FOXJ3: variants seen among roughly 807,000 people sequenced by gnomAD.
The protein encoded by FOXJ3 is forkhead box protein J3.
A neutral mutation model predicts 76.1 loss-of-function variants in FOXJ3; 22 were observed. That is an observed-to-expected ratio of 0.29 (90% confidence interval 0.21 to 0.41). The LOEUF (loss-of-function observed/expected upper bound fraction) is 0.41. FOXJ3 is among the 10% of genes least tolerant of loss of function. The pLI, the probability that FOXJ3 is intolerant of heterozygous loss-of-function variation, is 1.00. For missense variants in FOXJ3, 613 were observed against 762.1 expected (o/e 0.80, Z 2.30); for synonymous variants, 269 against 261.2 (o/e 1.03, Z -0.29).
chr1:42,236,004 A>AC (rs1648596148), intron 4 of FOXJ3, among the ~76,000 whole-genome samples: 1 of 152,134 alleles, frequency 6.6e-6, no homozygotes, highest in Admixed American at 6.5e-5. Context: ...AGAAGCAGTT[A>AC]CCTTTGCTCT....
At chr1:42,292,006 A>C (rs1251796469) in intron 2 of FOXJ3, among the ~76,000 whole-genome samples, 1 of 152,088 alleles carries the variant, frequency 6.6e-6, no homozygotes, top group Non-Finnish European at 1.5e-5. Context: ...GAGGAAAGGC[A>C]GGAGTGGGAG....
At chr1:42,291,053 G>C (rs1301080590) in intron 2 of FOXJ3, among the ~76,000 whole-genome samples, 4 of 137,602 alleles carry the variant, frequency 2.9e-5, no homozygotes, top group African/African-American at 1.1e-4. Flanking sequence ...TAGATAGATA[G>C]ATAGATAGAT....
chr1:42,277,906 G>C (rs980859168), intron 3 of FOXJ3, among the ~76,000 whole-genome samples: 12 of 149,938 alleles, frequency 8.0e-5, no homozygotes, highest in African/African-American at 2.7e-4. Context: ...GAACCCAGAA[G>C]GCGAAGCTTG....
intron 1 of FOXJ3, among the ~76,000 whole-genome samples, chr1:42,326,026 G>A (rs1002400752): frequency 1.3e-5 from 2 of 152,082 alleles, no homozygotes; most frequent in East Asian, 1.9e-4. Context: ...TTTGGGAGGC[G>A]GATCACATGA....
intron 2 of FOXJ3, chr1:42,280,274 C>G: frequency 1.0e-6 from 1 of 981,530 alleles, no homozygotes; most frequent in Non-Finnish European, 1.2e-6. Context: ...AAGACAACCA[C>G]GAGGATTCTA....
chr1:42,191,219 G>A (rs1197665471), intron 9 of FOXJ3, 84 bp downstream of exon 9: 2 of 1,314,284 alleles, frequency 1.5e-6, no homozygotes, highest in Non-Finnish European at 2.1e-6. Flanking sequence ...GGTTTTGGTA[G>A]TAAATACTAC....
chr1:42,189,401 A>G lies in FOXJ3; in HGVS notation c.1355T>C (p.Val452Ala), dbSNP rs751598685. 1.9e-6 allele frequency: 3 copies of G among 1,605,118 alleles called. No individual in the cohort carries two copies. The highest frequency in any genetic ancestry group is 2.6e-6 in the Non-Finnish European group (3 of 1,172,202). The change falls in exon 10 of 13, where the codon GTT becomes GCT. Residue 452 changes from valine (V) to alanine (A), a missense_variant. Around this residue, in one of 3 missense-constraint regions of FOXJ3, gnomAD observed 526 missense variants for 601.4 expected, o/e 0.87. Coordinates refer to ENST00000361346, the MANE Select transcript of FOXJ3 (RefSeq NM_014947.5). ...AAGTGTCGCATACCAATCATTTGAA[A>G]CACCTATAAAATATTGACAACAGTG... ...PPQQVSCNSG[V>A]SNDWYATLDM...
intron 4 of FOXJ3, among the ~76,000 whole-genome samples, chr1:42,249,594 A>G (rs965065231): frequency 9.9e-5 from 15 of 152,246 alleles, no homozygotes; most frequent in African/African-American, 3.1e-4. Flanking sequence ...TACAATTTGA[A>G]AAGTTTCTTT....
Position 42,237,453 on chromosome 1 carries a change from C to T in FOXJ3, c.445-9487G>A, listed in dbSNP as rs149222128. Among the ~76,000 whole-genome samples, 1,092 of 145,362 alleles carry T rather than the reference C, an allele frequency of 7.5e-3. 6 individuals carry two copies. Among genetic ancestry groups the T allele is most frequent in the Non-Finnish European group, 0.012 (771 of 66,696 alleles). ...ACATACATACATATATATATATACA[C>T]ATACATACATATACATATATATGTA... On this transcript the variant is annotated intron_variant, in intron 4 of 12. Coordinates refer to ENST00000361346, the MANE Select transcript of FOXJ3 (RefSeq NM_014947.5).
intron 9 of FOXJ3, among the ~76,000 whole-genome samples, chr1:42,190,185 C>T (rs1365074818): frequency 6.6e-6 from 1 of 152,202 alleles, no homozygotes; most frequent in African/African-American, 2.4e-5. Flanking sequence ...TTCAATGAGA[C>T]AGCAGTGCTG....
intron 6 of FOXJ3, among the ~76,000 whole-genome samples, 190 bp downstream of exon 6, chr1:42,205,572 G>A (rs944512529): frequency 1.3e-5 from 2 of 152,168 alleles, no homozygotes; most frequent in Non-Finnish European, 2.9e-5. Flanking sequence ...AATCTCTCCT[G>A]AGAGATATTT....
At chr1:42,204,702 C>G (rs904330108) in intron 6 of FOXJ3, among the ~76,000 whole-genome samples, 2 of 151,038 alleles carry the variant, frequency 1.3e-5, no homozygotes, top group African/African-American at 4.9e-5. Context: ...ACTACCACCA[C>G]CCCCCACCCC....
intron 3 of FOXJ3, among the ~76,000 whole-genome samples, chr1:42,268,168 T>G (rs1368579043): frequency 6.6e-6 from 1 of 151,308 alleles, no homozygotes; most frequent in African/African-American, 2.4e-5. Context: ...TTAATTACAG[T>G]GAAAGGGCTA....
At chr1:42,317,305 G>A (rs1218702912) in intron 1 of FOXJ3, among the ~76,000 whole-genome samples, 1 of 152,026 alleles carries the variant, frequency 6.6e-6, no homozygotes, top group African/African-American at 2.4e-5. Flanking sequence ...GAAGAACTGT[G>A]CCAGAGGAAA....
chr1:42,222,703 C>T (rs1312123888), intron 5 of FOXJ3, among the ~76,000 whole-genome samples: 2 of 152,168 alleles, frequency 1.3e-5, no homozygotes, highest in Non-Finnish European at 2.9e-5. Context: ...ATAAAGACCT[C>T]TTATCTTGTG....
At chr1:42,210,869 C>T (rs1646953564) in intron 5 of FOXJ3, among the ~76,000 whole-genome samples, 1 of 152,114 alleles carries the variant, frequency 6.6e-6, no homozygotes, top group South Asian at 2.1e-4. Flanking sequence ...TGAGCAGCTA[C>T]ACCCAGAAGA....
intron 6 of FOXJ3, among the ~76,000 whole-genome samples, chr1:42,200,791 T>C (rs1355921235): frequency 6.6e-6 from 1 of 152,158 alleles, no homozygotes. Context: ...CCTTCAATAT[T>C]TCCTTTAGCT....
intron 5 of FOXJ3, among the ~76,000 whole-genome samples, chr1:42,215,451 A>G (rs1647046730): frequency 6.6e-6 from 1 of 152,190 alleles, no homozygotes; most frequent in Non-Finnish European, 1.5e-5. Context: ...TGAAAAAAAG[A>G]ACAGAGCCTC....
Position 42,320,351 on chromosome 1 carries a change from A to C in FOXJ3, c.-17-9241T>G, listed in dbSNP as rs373392426. Among the ~76,000 whole-genome samples, 5 of 152,314 alleles carry C rather than the reference A, an allele frequency of 3.3e-5. No individual in the cohort carries two copies. The South Asian group carries it at 8.3e-4, about 25-fold the overall frequency. The stretch of plus-strand genomic sequence containing the variant: ...AATCATAACCCAAGCAAACAGCACA[A>C]GATTCTATTTCTGGGTCTGTCATTA... On this transcript the variant is annotated intron_variant, in intron 1 of 12. Transcript: ENST00000361346.
Sources: allele counts gnomAD v4.1 joint callset (sites outside exome capture counted in the v4.1 genomes callset), GRCh38; gene constraint gnomAD v4.1.1; regional missense constraint gnomAD v4.1.1; transcripts MANE v1.5; gene names NCBI Gene and HGNC (gene_info 2026-07-23, HGNC 2026-07-21).